The following KIF2C variants were observed in gnomAD, a reference collection of about 807,000 sequenced individuals.
KIF2C encodes the protein kinesin family member 2C.
A neutral mutation model predicts 97.4 loss-of-function variants in KIF2C; 34 were observed. The ratio of observed to expected loss-of-function variants is 0.35; its 90% CI spans 0.27 to 0.46. KIF2C has a LOEUF of 0.46. Ranked by LOEUF, KIF2C falls within the 20% of genes least tolerant of loss-of-function variation. The pLI is 1.00. For synonymous variants in KIF2C, 313 were observed against 318.2 expected (o/e 0.98, Z 0.17); for missense variants, 750 against 907.6 (o/e 0.83, Z 2.23).
intron 5 of KIF2C, among the ~76,000 whole-genome samples, chr1:44,752,249 C>T (rs1011969613): frequency 4.0e-5 from 6 of 151,504 alleles, no homozygotes; most frequent in Admixed American, 6.6e-5. Context: ...TGCCATTCTC[C>T]CTCAGCCTGC....
intron 5 of KIF2C, among the ~76,000 whole-genome samples, chr1:44,752,377 G>A (rs147351991): frequency 0.011 from 1,620 of 148,600 alleles, 15 homozygotes; most frequent in Middle Eastern, 0.015. Context: ...TTCGTGATCC[G>A]CCCGCCTCGG....
intron 17 of KIF2C, 59 bp downstream of exon 17, chr1:44,762,042 G>A: frequency 1.4e-6 from 2 of 1,473,006 alleles, no homozygotes; most frequent in Non-Finnish European, 9.5e-7. Flanking sequence ...GAAGGGCAGT[G>A]ATGAGAGGGG....
rs115551033 is a variant in KIF2C at position 44,767,473 on chromosome 1, C to T, written c.*294C>T. The stretch of plus-strand genomic sequence containing the variant: ...AATGTTCTCAGCATAGAGCTTTCTC[C>T]GCAGCATCCTGCCTGCGTGGACTGG... On this transcript the variant is annotated 3_prime_UTR_variant, in exon 21 of 21. Coordinates refer to ENST00000372224, the MANE Select transcript of KIF2C (RefSeq NM_006845.4). 2.7e-4 allele frequency: 87 copies of T among 322,082 alleles called. No homozygotes were observed. Among genetic ancestry groups the T allele is most frequent in the Non-Finnish European group, 4.6e-4 (77 of 166,572 alleles). The allele number at this position is 322,082 out of a possible 1,614,324, so 20.0% of individuals were successfully genotyped here. A position where few individuals can be genotyped will look rare whatever the true frequency, so the allele number is the denominator to read the frequency against.
intron 2 of KIF2C, chr1:44,746,811 T>C (rs1649219850): frequency 9.0e-6 from 14 of 1,557,290 alleles, no homozygotes; most frequent in African/African-American, 1.4e-5. Flanking sequence ...TCATACTTAG[T>C]GGAACTTAAA....
intron 16 of KIF2C, 65 bp from the exon 17 acceptor site, chr1:44,761,851 G>A: frequency 6.7e-7 from 1 of 1,486,062 alleles, no homozygotes; most frequent in South Asian, 1.1e-5. Flanking sequence ...AGGCCCCTCA[G>A]GGACAGGCTA....
chr1:44,747,542 G>T (rs1469051045), intron 3 of KIF2C, 57 bp downstream of exon 3: 2 of 1,575,034 alleles, frequency 1.3e-6, no homozygotes, highest in East Asian at 4.5e-5. Flanking sequence ...TTTGCTTATT[G>T]ACTCTTTGCT....
Position 44,762,640 on chromosome 1 carries a change from G to T in KIF2C, c.1953G>T (p.Glu651Asp). The change falls in exon 19 of 21, where the codon GAG (glutamate) becomes GAT (aspartate). Residue 651 changes from glutamate (E) to aspartate (D), a missense_variant. Glu to Asp is a conservative substitution (Grantham distance 45, BLOSUM62 2). Coordinates refer to ENST00000372224, the MANE Select transcript of KIF2C (RefSeq NM_006845.4). ...AGCTGGAGGAGAAGGCTATGGAAGA[G>T]CTCAAGGAGATCATACAGGTAGGCA... ...IRELEEKAME[E>D]LKEIIQQGPD... is the part of the protein sequence containing the mutation. 1 of 1,613,708 alleles carries T rather than the reference G, an allele frequency of 6.2e-7. No individual in the cohort carries two copies. Among genetic ancestry groups the T allele is most frequent in the Non-Finnish European group, 8.5e-7 (1 of 1,179,632 alleles).
chr1:44,760,379 T>C lies in KIF2C; in HGVS notation c.1467T>C (p.Ser489=), dbSNP rs745352247. Residue 489 remains serine (S), a synonymous_variant, in exon 15 of 21, where the codon TCT becomes TCC. Transcript: ENST00000372224. This position sits in a 1 kb window ranked among gnomAD's most constrained non-coding sequence, Gnocchi z 4.2. ...AAGGGAGAATGCATGGCAAGTTCTC[T>C]TTGGTAGATCTGGCAGGGAATGAGC... ...RAKGRMHGKF[S]LVDLAGNERG... 1 of 1,614,236 alleles carries C rather than the reference T, an allele frequency of 6.2e-7. No individual in the cohort carries two copies. The highest frequency in any genetic ancestry group is 1.1e-5 in the South Asian group (1 of 91,086).
chr1:44,765,449 A>G (rs1650406090), intron 19 of KIF2C, among the ~76,000 whole-genome samples: 1 of 149,024 alleles, frequency 6.7e-6, no homozygotes, highest in Non-Finnish European at 1.5e-5. Context: ...CCTAGAACTT[A>G]AAGTATAATA....
At chr1:44,755,296 C>T (rs969889208) in intron 8 of KIF2C, among the ~76,000 whole-genome samples, 3 of 151,878 alleles carry the variant, frequency 2.0e-5, no homozygotes, top group East Asian at 1.9e-4. Flanking sequence ...GACAGAGTCT[C>T]GCTCTGTCGC....
chr1:44,762,680 G>A (rs1650228879), intron 19 of KIF2C, 22 bp downstream of exon 19: 11 of 1,538,466 alleles, frequency 7.1e-6, no homozygotes, highest in Non-Finnish European at 7.2e-6. Context: ...GCCCTGGACA[G>A]GGAGCTGGAT....
In KIF2C at chr1:44,760,730, G is replaced by A. The variant is rs779437751; in HGVS notation, c.1683+28G>A. On this transcript the variant is annotated intron_variant, in intron 16 of 20. Coordinates refer to ENST00000372224, the MANE Select transcript of KIF2C (RefSeq NM_006845.4). This position sits in a 1 kb window ranked among gnomAD's most constrained non-coding sequence, Gnocchi z 4.2. ...GAGTAGGGTCACTTTGAAGGTGATG[G>A]TACAGGAGGAGACAGAGTTGCTTTC... 88 of 1,559,204 alleles carry A rather than the reference G, an allele frequency of 5.6e-5. No homozygotes were observed. Among genetic ancestry groups the A allele is most frequent in the Non-Finnish European group, 9.7e-6 (11 of 1,130,692 alleles).
Position 44,759,287 on chromosome 1 carries a change from G to A in KIF2C, c.1306G>A (p.Glu436Lys). The A allele has an allele frequency of 6.2e-7, 1 of 1,614,168 alleles. No individual in the cohort carries two copies. Among genetic ancestry groups the A allele is most frequent in the Non-Finnish European group, 8.5e-7 (1 of 1,180,032 alleles). ...ACAGGTGCAAGTGGTGGGGCTGCAG[G>A]AGCATCTGGTTAACTCTGCTGATGA... ...KQQVQVVGLQ[E>K]HLVNSADDVI... Residue 436 changes from glutamate to lysine, a missense_variant, in exon 14 of 21, where the codon GAG becomes AAG. By Grantham distance (56) the Glu-to-Lys change is moderately conservative. Coordinates refer to ENST00000372224, the MANE Select transcript of KIF2C (RefSeq NM_006845.4).
chr1:44,765,563 G>C (rs569072291), intron 19 of KIF2C, among the ~76,000 whole-genome samples: 1 of 151,962 alleles, frequency 6.6e-6, no homozygotes, highest in African/African-American at 2.4e-5. Context: ...GGCTGGGCGC[G>C]GTGGCTTATG....
intron 8 of KIF2C, 66 bp from the exon 9 acceptor site, chr1:44,755,863 G>T: frequency 6.6e-7 from 1 of 1,519,484 alleles, no homozygotes; most frequent in South Asian, 1.1e-5. Context: ...GGGAGTTCTG[G>T]ACAAGCTCGC....
At chr1:44,747,729 A>AT in intron 4 of KIF2C, 29 bp downstream of exon 4, 1 of 1,596,734 alleles carries the variant, frequency 6.3e-7, no homozygotes, top group Non-Finnish European at 8.6e-7. Context: ...GCTTACTATC[A>AT]TGGAATTTGT....
At chr1:44,754,294 T>A (rs934073311) in intron 7 of KIF2C, among the ~76,000 whole-genome samples, 1 of 152,082 alleles carries the variant, frequency 6.6e-6, no homozygotes, top group Non-Finnish European at 1.5e-5. Context: ...AATTCAGAAA[T>A]GTTTCTGAAG....
Position 44,746,868 on chromosome 1 carries a change from A to T in KIF2C, c.166-516A>T, listed in dbSNP as rs923133855. Reference sequence around the variant, plus strand: ...GGGTACCCCTGTCTATAGAAATTTAATTTTTTCTATGTTGTTTTTTTGTTT... The same window carrying T: ...GGGTACCCCTGTCTATAGAAATTTATTTTTTTCTATGTTGTTTTTTTGTTT... On this transcript the variant is annotated intron_variant, in intron 2 of 20. Transcript: ENST00000372224. The T allele has an allele frequency of 9.2e-6, 10 of 1,086,828 alleles. No homozygotes were observed. In the African/African-American group the frequency reaches 1.2e-4, roughly 13 times the overall value. 67.3% of individuals were successfully genotyped at this position (1,086,828 alleles called of 1,614,324 possible).
chr1:44,750,228 G>A, intron 4 of KIF2C: 1 of 396,484 alleles, frequency 2.5e-6, no homozygotes, highest in Non-Finnish European at 4.4e-6. Flanking sequence ...CTTGCCCTCA[G>A]GAGCTCCTAG....
Sources: gnomAD v4.1 joint callset for allele counts (sites outside exome capture counted in the v4.1 genomes callset) on GRCh38, gnomAD v4.1.1 for gene constraint, Gnocchi (gnomAD v3.1) non-coding constraint, MANE v1.5 for transcripts, NCBI Gene and HGNC (gene_info 2026-07-23, HGNC 2026-07-21) for gene names.